Variants in MUC5AC observed in about 807,000 individuals in gnomAD.
The protein encoded by MUC5AC is mucin-5AC.
In MUC5AC, 158 loss-of-function variants were observed where a neutral mutation model predicts 169.7. The observed-to-expected ratio is 0.93, with a 90% CI of 0.82 to 1.06. MUC5AC has a LOEUF of 1.06. Ranked by LOEUF, MUC5AC falls within the 50% of genes least tolerant of loss-of-function variation. The probability of loss-of-function intolerance (pLI) is 0.00; values close to 1 mark genes in which losing one functional copy is unlikely to be tolerated. For synonymous variants in MUC5AC, 1,975 were observed against 1,237.0 expected (o/e 1.60, Z -12.52); for missense variants, 4,359 against 3,089.9 (o/e 1.41, Z -9.74).
Position 1,194,617 on chromosome 11 carries a change from T to C in MUC5AC, c.15137T>C (p.Phe5046Ser). ...GVQVMFSGLI[F>S]SVEVPFSKFA... Reference sequence around the variant, plus strand: ...CAGGTCATGTTCTCCGGCCTCATCTTCTCCGTGGAGGTGCCCTTCAGCAAG... The same window carrying C: ...CAGGTCATGTTCTCCGGCCTCATCTCCTCCGTGGAGGTGCCCTTCAGCAAG... Residue 5046 changes from phenylalanine (F) to serine (S), a missense_variant, in exon 35 of 49, where the codon TTC (phenylalanine) becomes TCC (serine). Phe to Ser is a radical substitution (Grantham distance 155). Transcript: ENST00000621226. The C allele has an allele frequency of 1.3e-6, 1 of 764,418 alleles. No homozygotes were observed. The allele number at this position is 764,418 out of a possible 1,614,324, so 47.4% of individuals were successfully genotyped here. A position where few individuals can be genotyped will look rare whatever the true frequency, so the allele number is the denominator to read the frequency against.
chr11:1,194,612 C>G lies in MUC5AC; in HGVS notation c.15132C>G (p.Leu5044=), dbSNP rs1346453186. ...ELGVQVMFSG[L]IFSVEVPFSK... ...GAGTCCAGGTCATGTTCTCCGGCCT[C>G]ATCTTCTCCGTGGAGGTGCCCTTCA... The change falls in exon 35 of 49, where the codon CTC becomes CTG. Residue 5044 remains leucine, a synonymous_variant. Coordinates refer to ENST00000621226, the MANE Select transcript of MUC5AC (RefSeq NM_001304359.2). The G allele has an allele frequency of 1.3e-6, 1 of 764,608 alleles. No homozygotes were observed. Among genetic ancestry groups the G allele is most frequent in the South Asian group, 1.3e-5 (1 of 74,578 alleles). The allele number at this position is 764,608 out of a possible 1,614,324, so 47.4% of individuals were successfully genotyped here.
In MUC5AC at chr11:1,167,996, A is replaced by G; in HGVS notation, c.1497+9A>G. The G allele has an allele frequency of 6.5e-7, 1 of 1,548,868 alleles. No homozygotes were observed. Among genetic ancestry groups the G allele is most frequent in the Non-Finnish European group, 8.7e-7 (1 of 1,145,940 alleles). On this transcript the variant is annotated intron_variant, in intron 12 of 48. Transcript: ENST00000621226. ...TGGATGGGGCGCAGACGGTGAGTGG[A>G]GCCTGGCAGGGCAAACCCCGGGAAG...
At chr11:1,181,080 C>T (rs1214545329) in intron 28 of MUC5AC, 59 bp from the exon 29 acceptor site, 2 of 398,426 alleles carry the variant, frequency 5.0e-6, no homozygotes, top group Non-Finnish European at 8.8e-6. Flanking sequence ...GCATGGGATG[C>T]CCGTGGAAGG....
chr11:1,175,800 C>CCACTCATGCACACG (rs1554926826), intron 19 of MUC5AC, among the ~76,000 whole-genome samples: 9 of 34,148 alleles, frequency 2.6e-4, no homozygotes, highest in Admixed American at 1.1e-3. Context: ...GCACTCACAC[C>CCACTCATGCACACG]CACCCACTCA....
At chr11:1,196,110 G>T (rs904703404) in intron 37 of MUC5AC, 56 bp downstream of exon 37, 4 of 714,328 alleles carry the variant, frequency 5.6e-6, no homozygotes, top group Admixed American at 1.9e-5. Context: ...GCACAGGCAC[G>T]CCGGACGGAC....
Position 1,173,055 on chromosome 11 carries a change from TACTC to T in MUC5AC, c.1965+547_1965+550del, listed in dbSNP as rs1303281571. 2.4e-3 allele frequency among the ~76,000 whole-genome samples: 348 copies of T among 143,238 alleles called. 3 individuals carry two copies. Among genetic ancestry groups the T allele is most frequent in the South Asian group, 6.0e-3 (26 of 4,334 alleles). 94.0% of individuals were successfully genotyped at this position (143,238 alleles called of 152,430 possible). On this transcript the variant is annotated intron_variant, in intron 16 of 48. Transcript: ENST00000621226. ...CCATTCACTCACTCATTCACTAACT[TACTC>T]ACTCACTCACTCACCCACTAGCTCT...
At position 1,195,867 on chromosome 11, in the gene MUC5AC, C is replaced by CA; in HGVS notation, c.15459-9_15459-8insA. 1 of 762,968 alleles carries CA rather than the reference C, an allele frequency of 1.3e-6. No homozygotes were observed. The highest frequency in any genetic ancestry group is 2.4e-5 in the East Asian group (1 of 41,164). The allele number at this position is 762,968 out of a possible 1,614,324, so 47.3% of individuals were successfully genotyped here. On this transcript the variant is annotated splice_polypyrimidine_tract_variant and intron_variant, in intron 36 of 48. Transcript: ENST00000621226. ...GCTGCACCCAGCACCCTGCCCATCC[C>CA]TCCCACAGGGTCTTTGAGCCGTGCC...
chr11:1,158,409 TG>T (rs1860026697), intron 1 of MUC5AC, among the ~76,000 whole-genome samples: 1 of 152,186 alleles, frequency 6.6e-6, no homozygotes, highest in South Asian at 2.1e-4. Flanking sequence ...CAGCTGCTCA[TG>T]GCCCCTGCTG....
Position 1,177,291 on chromosome 11 carries a change from C to A in MUC5AC, c.2854C>A (p.Pro952Thr). ...DSFRVVTENV[P>T]CGTTGTTCSK... The stretch of plus-strand genomic sequence containing the variant: ...CTTTCGTGTTGTCACCGAGAACGTC[C>A]CCTGCGGCACCACAGGGACCACCTG... The change falls in exon 23 of 49, where the codon CCC becomes ACC. Residue 952 changes from proline (P) to threonine (T), a missense_variant. Coordinates refer to ENST00000621226, the MANE Select transcript of MUC5AC (RefSeq NM_001304359.2). 2.2e-6 allele frequency: 1 copy of A among 455,558 alleles called. No individual in the cohort carries two copies. The highest frequency in any genetic ancestry group is 3.9e-6 in the Non-Finnish European group (1 of 255,986). 28.2% of individuals were successfully genotyped at this position (455,558 alleles called of 1,614,324 possible). A position where few individuals can be genotyped will look rare whatever the true frequency, so the allele number is the denominator to read the frequency against.
Position 1,190,981 on chromosome 11 carries a change from C to A in MUC5AC, c.12836C>A (p.Thr4279Asn). ...ACCAGCACAACCTCTGCTCCTACAA[C>A]CAGAACAACATCTGCTCCTACAAGC... Reference protein sequence around the residue: ...ATTSTTSAPTTRTTSAPTSSM... With the variant: ...ATTSTTSAPTNRTTSAPTSSM... Residue 4279 changes from threonine (T) to asparagine (N), a missense_variant, in exon 31 of 49, where the codon ACC (threonine) becomes AAC (asparagine). Transcript: ENST00000621226. 1 of 745,304 alleles carries A rather than the reference C, an allele frequency of 1.3e-6. No individual in the cohort carries two copies. 46.2% of individuals were successfully genotyped at this position (745,304 alleles called of 1,614,324 possible).
rs1371358195 is a variant in MUC5AC, at chr11:1,185,974, C to T, written c.7829C>T (p.Thr2610Ile). The T allele has an allele frequency of 2.7e-6, 2 of 734,134 alleles. No individual in the cohort carries two copies. The highest frequency in any genetic ancestry group is 5.0e-6 in the Non-Finnish European group (2 of 402,328). 45.5% of individuals were successfully genotyped at this position (734,134 alleles called of 1,614,324 possible). A position where few individuals can be genotyped will look rare whatever the true frequency, so the allele number is the denominator to read the frequency against. Residue 2610 changes from threonine to isoleucine, a missense_variant, in exon 31 of 49, where the codon ACC (threonine) becomes ATC (isoleucine). Transcript: ENST00000621226. ...PTTSITSAPT[T>I]STNSAPISST... is the part of the protein sequence containing the mutation. ...ACCAGCATAACCTCTGCACCTACAA[C>T]CAGCACAAACTCTGCCCCTATAAGC...
Position 1,163,957 on chromosome 11 carries a change from T to A in MUC5AC, c.755T>A (p.Val252Asp). The A allele has an allele frequency of 1.9e-6, 3 of 1,611,294 alleles. No individual in the cohort carries two copies. Among genetic ancestry groups the A allele is most frequent in the Admixed American group, 1.7e-5 (1 of 59,840 alleles). The change falls in exon 7 of 49, where the codon GTC becomes GAC. Residue 252 changes from valine (V) to aspartate (D), a missense_variant. Transcript: ENST00000621226. ...CCCACGGACCAGTGTCAGGACCCTG[T>A]CCCTGAACCCCCGAGGAACTGCTCC... ...DDPTDQCQDP[V>D]PEPPRNCSTG...
chr11:1,165,259 G>A (rs750509910), intron 9 of MUC5AC, 43 bp from the exon 10 acceptor site: 1 of 1,557,882 alleles, frequency 6.4e-7, no homozygotes, highest in Non-Finnish European at 8.8e-7. Flanking sequence ...CCCACTGCGT[G>A]GACACAGCAG....
intron 1 of MUC5AC, among the ~76,000 whole-genome samples, chr11:1,158,738 C>G (rs1860038163): frequency 6.6e-6 from 1 of 152,138 alleles, no homozygotes. Context: ...TGGGGTAATG[C>G]CGGGGTTTGG....
At position 1,190,677 on chromosome 11, in the gene MUC5AC, A is replaced by G. The variant is rs1451337771; in HGVS notation, c.12532A>G (p.Ile4178Val). The change falls in exon 31 of 49, where the codon ATC becomes GTC. Residue 4178 changes from isoleucine (I) to valine (V), a missense_variant. By Grantham distance (29) the Ile-to-Val change is conservative. Transcript: ENST00000621226. ...STNSAPTTSTISASTTSTISA... is the reference protein window; with the variant it reads ...STNSAPTTSTVSASTTSTISA... ...AAACTCTGCTCCTACAACCAGCACA[A>G]TCTCTGCCTCTACAACCAGCACAAT... 1 of 694,710 alleles carries G rather than the reference A, an allele frequency of 1.4e-6. No homozygotes were observed. Among genetic ancestry groups the G allele is most frequent in the Non-Finnish European group, 2.6e-6 (1 of 380,440 alleles). The allele number at this position is 694,710 out of a possible 1,614,324, so 43.0% of individuals were successfully genotyped here.
chr11:1,178,476 C>T lies in MUC5AC; in HGVS notation c.3120C>T (p.Asp1040=), dbSNP rs1345939705. 57 of 928,970 alleles carry T rather than the reference C, an allele frequency of 6.1e-5. No individual in the cohort carries two copies. Among genetic ancestry groups the T allele is most frequent in the African/African-American group, 1.0e-4 (6 of 57,660 alleles). 57.5% of individuals were successfully genotyped at this position (928,970 alleles called of 1,614,324 possible). A position where few individuals can be genotyped will look rare whatever the true frequency, so the allele number is the denominator to read the frequency against. ...GRVCGLCGNF[D]DIAVNDFATR... ...TCTGCGGCCTGTGTGGGAACTTCGA[C>T]GACATCGCCGTTAATGACTTTGCCA... The change falls in exon 25 of 49, where the codon GAC becomes GAT. Residue 1040 remains aspartate, a synonymous_variant. Transcript: ENST00000621226.
In MUC5AC at chr11:1,182,577, C is replaced by T; in HGVS notation, c.4432C>T (p.Pro1478Ser). The T allele has an allele frequency of 2.5e-6, 1 of 398,784 alleles. No individual in the cohort carries two copies. Among genetic ancestry groups the T allele is most frequent in the Non-Finnish European group, 4.4e-6 (1 of 226,226 alleles). The allele number at this position is 398,784 out of a possible 1,614,324, so 24.7% of individuals were successfully genotyped here. The change falls in exon 31 of 49, where the codon CCC becomes TCC. Residue 1478 changes from proline to serine, a missense_variant. Pro to Ser is a moderately conservative substitution (Grantham distance 74). Coordinates refer to ENST00000621226, the MANE Select transcript of MUC5AC (RefSeq NM_001304359.2). ...NYQIRVQCCT[P>S]LPCSTSSSPA... Reference sequence around the variant, plus strand: ...CCAGATCAGGGTCCAGTGCTGCACGCCCCTACCCTGCTCCACCTCTAGCAG... The same window carrying T: ...CCAGATCAGGGTCCAGTGCTGCACGTCCCTACCCTGCTCCACCTCTAGCAG...
chr11:1,198,244 A>C, intron 42 of MUC5AC, 24 bp from the exon 43 acceptor site: 1 of 746,528 alleles, frequency 1.3e-6, no homozygotes, highest in African/African-American at 1.7e-5. Flanking sequence ...CGGGGGGTGC[A>C]GCTGCTTGTC....
At chr11:1,194,900 G>A (rs1016953405) in intron 35 of MUC5AC, 112 bp from the exon 36 acceptor site, 60 of 630,792 alleles carry the variant, frequency 9.5e-5, no homozygotes, top group Admixed American at 3.8e-4. Flanking sequence ...GGCAGGGCCC[G>A]CTGCAGTTCA....
Sources: gnomAD v4.1 joint callset for allele counts (sites outside exome capture counted in the v4.1 genomes callset) on GRCh38, gnomAD v4.1.1 for gene constraint, MANE v1.5 for transcripts, NCBI Gene and HGNC (gene_info 2026-07-23, HGNC 2026-07-21) for gene names.